NVL: variants seen among roughly 807,000 people sequenced by gnomAD.
NVL encodes the protein nuclear valosin-containing protein-like.
In NVL, 84 loss-of-function variants were observed where a neutral mutation model predicts 110.2. The ratio of observed to expected loss-of-function variants is 0.76; its 90% CI spans 0.64 to 0.91. The LOEUF is 0.91. Among genes scored for constraint, NVL ranks in the 40% least tolerant of loss-of-function variants. NVL has a pLI of 0.00. For missense variants in NVL, 882 were observed against 1,035.9 expected, an observed-to-expected ratio of 0.85 and a Z score of 2.04; for synonymous variants, 354 against 361.1, an observed-to-expected ratio of 0.98 and a Z score of 0.22.
At chr1:224,262,578 C>T (rs1664100668) in intron 18 of NVL, among the ~76,000 whole-genome samples, 1 of 152,164 alleles carries the variant, frequency 6.6e-6, no homozygotes, top group Non-Finnish European at 1.5e-5. Context: ...CCTGAAATAA[C>T]AGCTGTTTAG....
At chr1:224,283,314 C>T (rs1256289284) in intron 15 of NVL, among the ~76,000 whole-genome samples, 4 of 152,074 alleles carry the variant, frequency 2.6e-5, no homozygotes, top group African/African-American at 4.8e-5. Flanking sequence ...GGCAAAACCC[C>T]GTCTCTACTA....
At chr1:224,281,351 A>G (rs1298205777) in intron 15 of NVL, among the ~76,000 whole-genome samples, 166 bp from the exon 16 acceptor site, 1 of 151,310 alleles carries the variant, frequency 6.6e-6, no homozygotes, top group Non-Finnish European at 1.5e-5. Flanking sequence ...CCCAGGATGA[A>G]GTGCAGTGGC....
At chr1:224,321,172 G>A (rs528124978) in intron 2 of NVL, among the ~76,000 whole-genome samples, 2 of 152,144 alleles carry the variant, frequency 1.3e-5, no homozygotes, top group African/African-American at 4.8e-5. Context: ...ATGAGCCCAG[G>A]GGGCTGAAGC....
Position 224,295,809 on chromosome 1 carries a change from C to T in NVL, c.1180+692G>A, listed in dbSNP as rs1667821085. On this transcript the variant is annotated intron_variant, in intron 11 of 22. Coordinates refer to ENST00000281701, the MANE Select transcript of NVL (RefSeq NM_002533.4). ...CCTGGCCAACATGGAAACACCCCGT[C>T]TCAAAAATCAGCCAGGTGTGGTGGC... 3.3e-5 allele frequency among the ~76,000 whole-genome samples: 5 copies of T among 151,218 alleles called. 1 individual carries two copies. In the South Asian group the frequency reaches 1.1e-3, roughly 32 times the overall value.
At chr1:224,233,119 C>T (rs1660078510) in intron 21 of NVL, 82 bp downstream of exon 21, 2 of 1,143,040 alleles carry the variant, frequency 1.7e-6, no homozygotes, top group East Asian at 2.4e-5. Context: ...AGATAATAGA[C>T]ACTAGAAAAT....
chr1:224,301,767 T>C, intron 9 of NVL: 1 of 151,012 alleles, frequency 6.6e-6, no homozygotes, highest in South Asian at 9.9e-5. Context: ...GCCACTGCAC[T>C]CAGCCTGGGC....
At chr1:224,299,088 C>T (rs539087992) in intron 10 of NVL, among the ~76,000 whole-genome samples, 1 of 152,230 alleles carries the variant, frequency 6.6e-6, no homozygotes, top group African/African-American at 2.4e-5. Flanking sequence ...GTCAGCGTCG[C>T]TTAAGGCATC....
At position 224,330,068 on chromosome 1, in the gene NVL, C is replaced by T. The variant is rs893838266; in HGVS notation, c.57+3G>A. The T allele has an allele frequency of 6.2e-7, 1 of 1,614,130 alleles. No homozygotes were observed. Among genetic ancestry groups the T allele is most frequent in the South Asian group, 1.1e-5 (1 of 91,084 alleles). The stretch of plus-strand genomic sequence containing the variant: ...GCGAGGCCAAGCGGTGCAGAATACA[C>T]ACCTGGATGACTCGCTGCTTGAGTT... On this transcript the variant is annotated splice_donor_region_variant and intron_variant, in intron 1 of 22. Coordinates refer to ENST00000281701, the MANE Select transcript of NVL (RefSeq NM_002533.4).
At chr1:224,228,602 C>T (rs565263805) in intron 22 of NVL, among the ~76,000 whole-genome samples, 9 of 150,382 alleles carry the variant, frequency 6.0e-5, no homozygotes, top group Admixed American at 2.0e-4. Flanking sequence ...TGCGCCAGGC[C>T]GGGAAAGTAG....
At chr1:224,307,323 AAGTC>A (rs1320628192) in intron 6 of NVL, among the ~76,000 whole-genome samples, 12 of 152,226 alleles carry the variant, frequency 7.9e-5, no homozygotes, top group Non-Finnish European at 1.6e-4. Flanking sequence ...ACTGAAAAGA[AAGTC>A]AGGCAGCGAA....
intron 12 of NVL, among the ~76,000 whole-genome samples, chr1:224,290,132 T>C (rs1341564890): frequency 6.6e-6 from 1 of 152,214 alleles, no homozygotes; most frequent in African/African-American, 2.4e-5. Flanking sequence ...ATCTTCATCA[T>C]TGAAAATTAT....
intron 15 of NVL, among the ~76,000 whole-genome samples, chr1:224,282,116 A>C (rs1051709347): frequency 1.3e-5 from 2 of 148,494 alleles, no homozygotes; most frequent in Non-Finnish European, 3.0e-5. Flanking sequence ...CCCAGGCTGC[A>C]GTGCAGTGAT....
At chr1:224,254,571 T>TG (rs1431703826) in intron 18 of NVL, among the ~76,000 whole-genome samples, 2 of 54,278 alleles carry the variant, frequency 3.7e-5, no homozygotes, top group Non-Finnish European at 7.3e-5. Context: ...TTGTTTTTTT[T>TG]GTTTTTTTTT....
At position 224,294,263 on chromosome 1, in the gene NVL, A is replaced by C. The variant is rs1667654888; in HGVS notation, c.1325+4T>G. 1 of 1,614,024 alleles carries C rather than the reference A, an allele frequency of 6.2e-7. No homozygotes were observed. Among genetic ancestry groups the C allele is most frequent in the Non-Finnish European group, 8.5e-7 (1 of 1,180,036 alleles). On this transcript the variant is annotated splice_donor_region_variant and intron_variant, in intron 12 of 22. Transcript: ENST00000281701. ...CATACAAACTTCATTCTATAAGAAT[A>C]TACCTTTCCCTGGATGCTTCATCTG...
At chr1:224,233,007 A>G (rs750718729) in intron 21 of NVL, 194 bp downstream of exon 21, 2 of 506,196 alleles carry the variant, frequency 4.0e-6, no homozygotes, top group Non-Finnish European at 6.9e-6. Context: ...GAGAGGTACT[A>G]AATAACTTTG....
Position 224,289,711 on chromosome 1 carries a change from T to C in NVL, c.1348A>G (p.Lys450Glu). The C allele has an allele frequency of 1.9e-6, 3 of 1,614,084 alleles. No individual in the cohort carries two copies. Among genetic ancestry groups the C allele is most frequent in the Non-Finnish European group, 2.5e-6 (3 of 1,179,948 alleles). Residue 450 changes from lysine (K) to glutamate (E), a missense_variant, in exon 13 of 23, where the codon AAA becomes GAA. Physicochemically the swap from Lys to Glu is moderately conservative, Grantham distance 56. Coordinates refer to ENST00000281701, the MANE Select transcript of NVL (RefSeq NM_002533.4). ...RERILQTLCR[K>E]LRLPQAFDFC... ...TCAAAAGCTTGAGGAAGCCTCAGTT[T>C]TCTGCACAATGTTTGAAGTATTCTG...
At chr1:224,298,613 A>G in intron 10 of NVL, 1 of 209,752 alleles carries the variant, frequency 4.8e-6, no homozygotes, top group Non-Finnish European at 1.0e-5. Context: ...GGTGGTAATA[A>G]AAGACCTCTG....
At chr1:224,316,095 A>C (rs974211527) in intron 4 of NVL, among the ~76,000 whole-genome samples, 1 of 152,156 alleles carries the variant, frequency 6.6e-6, no homozygotes, top group Non-Finnish European at 1.5e-5. Context: ...GCCTGAGCCC[A>C]GGAGGTAGAG....
chr1:224,252,896 T>G (rs980945110), intron 18 of NVL, among the ~76,000 whole-genome samples: 1 of 152,212 alleles, frequency 6.6e-6, no homozygotes, highest in Non-Finnish European at 1.5e-5. Flanking sequence ...CACCTATCTG[T>G]TTTGGCACTA....
Sources: allele counts gnomAD v4.1 joint callset (sites outside exome capture counted in the v4.1 genomes callset), GRCh38; gene constraint gnomAD v4.1.1; transcripts MANE v1.5; gene names NCBI Gene and HGNC (gene_info 2026-07-23, HGNC 2026-07-21).